Variants in ZNF761 observed in about 807,000 individuals in gnomAD.
ZNF761 encodes the protein zinc finger protein 761.
Under a neutral mutation model 59.9 loss-of-function variants are expected in ZNF761, and 43 were observed. The ratio of observed to expected loss-of-function variants is 0.72; its 90% CI spans 0.56 to 0.92. The LOEUF is 0.92. Ranked by LOEUF, ZNF761 falls within the 40% of genes least tolerant of loss-of-function variation. ZNF761 has a pLI of 0.00. For synonymous variants in ZNF761, 294 were observed against 304.8 expected, an observed-to-expected ratio of 0.96 and a Z score of 0.37; for missense variants, 850 against 906.1, an observed-to-expected ratio of 0.94 and a Z score of 0.79.
chr19:53,449,150 T>C (rs1486732585), intron 3 of ZNF761, among the ~76,000 whole-genome samples: 5 of 152,102 alleles, frequency 3.3e-5, no homozygotes, highest in Admixed American at 2.0e-4. Flanking sequence ...GCTATTACGG[T>C]GAAACCCCGT....
Position 53,455,215 on chromosome 19 carries a change from C to A in ZNF761, c.708C>A (p.Ile236=), listed in dbSNP as rs1271125758. ...CACTCTTAAGGAAACATCAGATAAT[C>A]CATTTAGCAGACAAATATAAATGTG... is the stretch of plus-strand genomic sequence containing the variant. The part of the protein sequence containing the change: ...YSSLLRKHQI[I]HLADKYKCDV... Residue 236 remains isoleucine (I), a synonymous_variant, in exon 5 of 5, where the codon ATC becomes ATA. Transcript: ENST00000684525. The A allele has an allele frequency of 6.2e-7, 1 of 1,614,040 alleles. No individual in the cohort carries two copies. The highest frequency in any genetic ancestry group is 1.3e-5 in the African/African-American group (1 of 74,928).
Position 53,455,033 on chromosome 19 carries a change from A to G in ZNF761, c.526A>G (p.Thr176Ala), listed in dbSNP as rs751888162. 32 of 1,614,084 alleles carry G rather than the reference A, an allele frequency of 2.0e-5. No individual in the cohort carries two copies. Among genetic ancestry groups the G allele is most frequent in the African/African-American group, 2.7e-5 (2 of 74,942 alleles). The change falls in exon 5 of 5, where the codon ACA (threonine) becomes GCA (alanine). Residue 176 changes from threonine to alanine, a missense_variant. Coordinates refer to ENST00000684525, the MANE Select transcript of ZNF761 (RefSeq NM_001289951.2). ...KSVHDASLVS[T>A]AQRISCRPKT... ...TGTCCACGATGCTTCCTTGGTTTCA[A>G]CAGCCCAAAGAATTTCTTGTAGGCC...
Position 53,433,269 on chromosome 19 carries a change from T to G in ZNF761, c.-185+1241T>G, listed in dbSNP as rs1461389672. On this transcript the variant is annotated intron_variant, in intron 1 of 4. Transcript: ENST00000684525. ...GAAGCAGAATAAAAGCAGTTAATCA[T>G]ATAATGATAGGTCATGTAATCTATA... 2.0e-5 allele frequency among the ~76,000 whole-genome samples: 3 copies of G among 152,286 alleles called. No individual in the cohort carries two copies. The East Asian group carries it at 5.8e-4, about 29-fold the overall frequency.
At chr19:53,453,582 G>A (rs2086239240) in intron 4 of ZNF761, among the ~76,000 whole-genome samples, 3 of 152,164 alleles carry the variant, frequency 2.0e-5, no homozygotes, top group Non-Finnish European at 2.9e-5. Context: ...ACTAGCTAAT[G>A]TCACACAGTG....
intron 1 of ZNF761, chr19:53,443,272 T>C (rs1387753734): frequency 6.4e-6 from 1 of 156,348 alleles, no homozygotes; most frequent in Non-Finnish European, 1.4e-5. Flanking sequence ...ATTAAGTGCA[T>C]GTTTCCCTCA....
chr19:53,436,433 G>T (rs944758944), intron 1 of ZNF761, among the ~76,000 whole-genome samples: 1 of 152,158 alleles, frequency 6.6e-6, no homozygotes, highest in African/African-American at 2.4e-5. Flanking sequence ...TTTGACTTAT[G>T]ATTAGGGCAG....
In ZNF761 at chr19:53,455,365, A is replaced by G; in HGVS notation, c.858A>G (p.Thr286=). 1.2e-6 allele frequency: 2 copies of G among 1,614,160 alleles called. No homozygotes were observed. Among genetic ancestry groups the G allele is most frequent in the Non-Finnish European group, 1.7e-6 (2 of 1,179,996 alleles). ...GKTFSQTSSL[T]CHRRLHTGEK... is the part of the protein sequence containing the mutation. ...CCTTCAGTCAGACGTCATCCCTTAC[A>G]TGCCATCGTAGACTTCATACTGGAG... The change falls in exon 5 of 5, where the codon ACA becomes ACG. Residue 286 remains threonine, a synonymous_variant. Transcript: ENST00000684525.
At chr19:53,440,799 C>T (rs56657468) in intron 1 of ZNF761, among the ~76,000 whole-genome samples, 7,196 of 152,174 alleles carry the variant, frequency 0.047, 601 homozygotes, top group African/African-American at 0.16. Context: ...CCTCAGCTTC[C>T]TGAGTAGCTA....
Position 53,435,289 on chromosome 19 carries a change from C to CTTTTT in ZNF761, c.-185+3289_-185+3293dup, listed in dbSNP as rs368157010. 1.9e-3 allele frequency among the ~76,000 whole-genome samples: 102 copies of CTTTTT among 53,616 alleles called. 14 individuals carry two copies. Among genetic ancestry groups the CTTTTT allele is most frequent in the Non-Finnish European group, 2.7e-3 (80 of 29,792 alleles). 35.2% of individuals were successfully genotyped at this position (53,616 alleles called of 152,430 possible). ...GGTCGTCTGGCTATAAATACAAGTC[C>CTTTTT]TTTTTTTTTTTTTTTTTTTTTTTTT... On this transcript the variant is annotated intron_variant, in intron 1 of 4. Coordinates refer to ENST00000684525, the MANE Select transcript of ZNF761 (RefSeq NM_001289951.2).
chr19:53,449,060 G>T (rs1259746786), intron 3 of ZNF761, among the ~76,000 whole-genome samples: 1 of 152,156 alleles, frequency 6.6e-6, no homozygotes, highest in African/African-American at 2.4e-5. Flanking sequence ...GGCCGGGCGC[G>T]GTGGATCACG....
intron 4 of ZNF761, among the ~76,000 whole-genome samples, chr19:53,451,456 A>T (rs2086220964): frequency 6.6e-6 from 1 of 151,860 alleles, no homozygotes; most frequent in Admixed American, 6.6e-5. Flanking sequence ...TGATCCACCA[A>T]CCTCGGCCTC....
intron 4 of ZNF761, among the ~76,000 whole-genome samples, chr19:53,452,811 C>G (rs139909846): frequency 6.9e-4 from 105 of 152,326 alleles, no homozygotes; most frequent in Middle Eastern, 3.4e-3. Flanking sequence ...TAGTCAACAC[C>G]CGTGACCAAA....
chr19:53,441,897 G>T (rs1275218120), intron 1 of ZNF761: 1 of 1,573,894 alleles, frequency 6.4e-7, no homozygotes, highest in South Asian at 1.1e-5. Context: ...GCAGTGAAGC[G>T]CAAGATCCAG....
intron 1 of ZNF761, among the ~76,000 whole-genome samples, chr19:53,445,812 C>T (rs7253158): frequency 0.49 from 74,653 of 151,952 alleles, 19,031 homozygotes; most frequent in South Asian, 0.68. Flanking sequence ...AAGCAGGTCA[C>T]GTCAGTCCCT....
In ZNF761 at chr19:53,454,633, G is replaced by A; in HGVS notation, c.143-17G>A. On this transcript the variant is annotated splice_polypyrimidine_tract_variant and intron_variant, in intron 4 of 4. Transcript: ENST00000684525. ...TCTGTACTTAATTTGAAAGCTTTCG[G>A]TGTTTATGTTTTGTAGATATCTCTT... 6.4e-7 allele frequency: 1 copy of A among 1,561,300 alleles called. No individual in the cohort carries two copies. Among genetic ancestry groups the A allele is most frequent in the Non-Finnish European group, 8.7e-7 (1 of 1,154,912 alleles).
Position 53,443,833 on chromosome 19 carries a change from A to G in ZNF761, c.-184-2394A>G, listed in dbSNP as rs7259748. The stretch of plus-strand genomic sequence containing the variant: ...TGTGCCTATGTGGAAAGAAGAAGAC[A>G]TAAGAAACTCCATTTTGTTCTGTAC... On this transcript the variant is annotated intron_variant, in intron 1 of 4. Coordinates refer to ENST00000684525, the MANE Select transcript of ZNF761 (RefSeq NM_001289951.2). The G allele has an allele frequency of 2.3e-3, 347 of 151,996 alleles. 2 individuals are homozygous for G. Among genetic ancestry groups the G allele is most frequent in the East Asian group, 5.2e-3 (27 of 5,180 alleles). The allele number at this position is 151,996 out of a possible 1,614,324, so 9.4% of individuals were successfully genotyped here.
rs950889115 is a variant in ZNF761, at chr19:53,432,591, C to T, written c.-185+563C>T. 8.6e-4 allele frequency among the ~76,000 whole-genome samples: 131 copies of T among 152,286 alleles called. 1 individual carries two copies. The highest frequency in any genetic ancestry group is 1.3e-3 in the Non-Finnish European group (90 of 68,030). ...ACGCGGGGTGTTACTGCCTGCCCAG[C>T]TCCAGCCCCTGGAAAATGCGCTCCC... On this transcript the variant is annotated intron_variant, in intron 1 of 4. Coordinates refer to ENST00000684525, the MANE Select transcript of ZNF761 (RefSeq NM_001289951.2).
intron 3 of ZNF761, among the ~76,000 whole-genome samples, chr19:53,447,699 G>T (rs947044399): frequency 3.3e-5 from 5 of 152,210 alleles, no homozygotes; most frequent in East Asian, 1.9e-4. Context: ...AGGTGACCAA[G>T]ATCGAGAAAT....
intron 1 of ZNF761, among the ~76,000 whole-genome samples, chr19:53,438,572 G>A (rs1322757244): frequency 1.3e-5 from 2 of 152,118 alleles, no homozygotes; most frequent in Non-Finnish European, 2.9e-5. Context: ...TAAAAGAGGG[G>A]CTCCTTTTCC....
Sources: allele counts gnomAD v4.1 joint callset (sites outside exome capture counted in the v4.1 genomes callset), GRCh38; gene constraint gnomAD v4.1.1; transcripts MANE v1.5; gene names NCBI Gene and HGNC (gene_info 2026-07-23, HGNC 2026-07-21).